Variants in ATP6V0A4 observed in about 807,000 individuals in gnomAD.
The protein encoded by ATP6V0A4 is V-type proton ATPase 116 kDa subunit a 4.
Under a neutral mutation model 107.3 loss-of-function variants are expected in ATP6V0A4, and 86 were observed. That is an observed-to-expected ratio of 0.80 (90% CI 0.67 to 0.96). The LOEUF (loss-of-function observed/expected upper bound fraction) is 0.96. Ranked by LOEUF, ATP6V0A4 falls within the 40% of genes least tolerant of loss-of-function variation. The pLI, the probability that ATP6V0A4 is intolerant of heterozygous loss-of-function variation, is 0.00. For missense variants in ATP6V0A4, 908 were observed against 1,045.6 expected (o/e 0.87, Z 1.81); for synonymous variants, 353 against 381.4 (o/e 0.93, Z 0.87).
At chr7:138,770,025 TG>T in intron 3 of ATP6V0A4, among the ~76,000 whole-genome samples, 1 of 152,216 alleles carries the variant, frequency 6.6e-6, no homozygotes, top group South Asian at 2.1e-4. Flanking sequence ...CACTCCAGCC[TG>T]GGCTACAGAG....
chr7:138,724,189 C>CAAAAAA (rs3080498), intron 18 of ATP6V0A4, among the ~76,000 whole-genome samples: 3 of 92,782 alleles, frequency 3.2e-5, no homozygotes, highest in South Asian at 4.1e-4. Flanking sequence ...GACTCTGCCT[C>CAAAAAA]AAAAAAAAAA....
At chr7:138,736,260 A>G (rs907753891) in intron 15 of ATP6V0A4, among the ~76,000 whole-genome samples, 1 of 152,178 alleles carries the variant, frequency 6.6e-6, no homozygotes, top group Admixed American at 6.6e-5. Context: ...ATAAATAAAT[A>G]AAAAGAAAAT....
chr7:138,768,762 G>C lies in ATP6V0A4; in HGVS notation c.291+18C>G. ...TGACTGTCCTTACCTGGGGAGGCCA[G>C]CAAAGTGGAGAACTTACCTCCAGGG... is the stretch of plus-strand genomic sequence containing the variant. On this transcript the variant is annotated intron_variant, in intron 5 of 21. Coordinates refer to ENST00000310018, the MANE Select transcript of ATP6V0A4 (RefSeq NM_020632.3). 3.1e-6 allele frequency: 5 copies of C among 1,613,784 alleles called. No homozygotes were observed. The highest frequency in any genetic ancestry group is 4.2e-6 in the Non-Finnish European group (5 of 1,179,872).
At position 138,706,703 on chromosome 7, in the gene ATP6V0A4, T is replaced by C; in HGVS notation, c.2444A>G (p.Asn815Ser). 6.2e-7 allele frequency: 1 copy of C among 1,613,556 alleles called. No homozygotes were observed. The highest frequency in any genetic ancestry group is 8.5e-7 in the Non-Finnish European group (1 of 1,179,788). The change falls in exon 22 of 22, where the codon AAC (asparagine) becomes AGC (serine). Residue 815 changes from asparagine to serine, a missense_variant. Transcript: ENST00000310018. The part of the protein sequence containing the change: ...ALRLHWVEFQ[N>S]KFYVGDGYKF... ...GTAACCATCCCCGACATAGAACTTG[T>C]TCTGGAACTCAACCCTGTTGTTGAG... is the stretch of plus-strand genomic sequence containing the variant.
At chr7:138,708,017 T>TTTA (rs1334995468) in intron 21 of ATP6V0A4, among the ~76,000 whole-genome samples, 49 of 140,000 alleles carry the variant, frequency 3.5e-4, no homozygotes, top group African/African-American at 1.2e-3. Flanking sequence ...TTATGTTTTA[T>TTTA]TTTATTTATT....
intron 3 of ATP6V0A4, 107 bp downstream of exon 3, chr7:138,771,024 C>A (rs772681099): frequency 1.4e-5 from 16 of 1,127,270 alleles, no homozygotes; most frequent in Non-Finnish European, 2.0e-5. Flanking sequence ...CAGCTCACGG[C>A]TCCTCTCCCT....
At chr7:138,712,242 G>T (rs1232308628) in intron 20 of ATP6V0A4, among the ~76,000 whole-genome samples, 2 of 151,868 alleles carry the variant, frequency 1.3e-5, no homozygotes, top group South Asian at 2.1e-4. Context: ...GCCCCACTTT[G>T]TTCCTTAAAG....
At position 138,730,685 on chromosome 7, in the gene ATP6V0A4, T is replaced by C. The variant is rs181251614; in HGVS notation, c.1909-1823A>G. Among the ~76,000 whole-genome samples, 19 of 152,270 alleles carry C rather than the reference T, an allele frequency of 1.2e-4. No individual in the cohort carries two copies. The East Asian group carries it at 3.7e-3, about 29-fold the overall frequency. On this transcript the variant is annotated intron_variant, in intron 17 of 21. Coordinates refer to ENST00000310018, the MANE Select transcript of ATP6V0A4 (RefSeq NM_020632.3). ...TTAGCACACGAACTATTTTGGTGAA[T>C]CTGAGTTCTCTGCCTTAAAACAGAA...
At chr7:138,793,728 A>G (rs1227200717) in intron 1 of ATP6V0A4, among the ~76,000 whole-genome samples, 1 of 152,220 alleles carries the variant, frequency 6.6e-6, no homozygotes, top group Non-Finnish European at 1.5e-5. Flanking sequence ...AAACCTCCGT[A>G]TGTTTGGAAA....
intron 19 of ATP6V0A4, among the ~76,000 whole-genome samples, chr7:138,721,534 A>G (rs1274741504): frequency 1.3e-5 from 2 of 152,160 alleles, no homozygotes; most frequent in Non-Finnish European, 2.9e-5. Context: ...ACTCTATCTC[A>G]AAAACAAACA....
At chr7:138,768,748 A>T in intron 5 of ATP6V0A4, 32 bp downstream of exon 5, 3 of 1,612,656 alleles carry the variant, frequency 1.9e-6, no homozygotes, top group East Asian at 4.5e-5. Flanking sequence ...GACTGTCCTT[A>T]CCTGGGGAGG....
At chr7:138,728,440 T>C (rs1804826323) in intron 18 of ATP6V0A4, among the ~76,000 whole-genome samples, 2 of 152,032 alleles carry the variant, frequency 1.3e-5, no homozygotes, top group Non-Finnish European at 2.9e-5. Context: ...TTAGCCAGGC[T>C]GGTCTCAAAC....
chr7:138,779,069 G>C (rs369676675), intron 2 of ATP6V0A4, among the ~76,000 whole-genome samples: 3 of 152,176 alleles, frequency 2.0e-5, no homozygotes, highest in Admixed American at 2.0e-4. Context: ...GGCCAGGAGC[G>C]ATGGCTTGAG....
intron 19 of ATP6V0A4, among the ~76,000 whole-genome samples, chr7:138,716,888 T>C (rs941859501): frequency 1.3e-5 from 2 of 152,122 alleles, no homozygotes; most frequent in Admixed American, 6.6e-5. Flanking sequence ...ACTGGTGCTG[T>C]ACATGCCCTC....
At chr7:138,750,154 C>T (rs889271782) in intron 11 of ATP6V0A4, among the ~76,000 whole-genome samples, 1 of 152,140 alleles carries the variant, frequency 6.6e-6, no homozygotes, top group Non-Finnish European at 1.5e-5. Flanking sequence ...AACAATATGC[C>T]TTAATCCTCC....
Position 138,713,869 on chromosome 7 carries a change from G to A in ATP6V0A4, c.2257+1895C>T, listed in dbSNP as rs1053985394. Among the ~76,000 whole-genome samples, 13 of 151,976 alleles carry A rather than the reference G, an allele frequency of 8.6e-5. 1 individual carries two copies. In the Middle Eastern group the frequency reaches 0.01, roughly 119 times the overall value. On this transcript the variant is annotated intron_variant, in intron 20 of 21. Coordinates refer to ENST00000310018, the MANE Select transcript of ATP6V0A4 (RefSeq NM_020632.3). The stretch of plus-strand genomic sequence containing the variant: ...TAATCCCAGCACTTTGGGAGGCCAA[G>A]GCAGGAGGACTGTTTGAGCCCAGAA...
chr7:138,767,841 C>T (rs941035169), intron 5 of ATP6V0A4, among the ~76,000 whole-genome samples: 5 of 152,178 alleles, frequency 3.3e-5, no homozygotes, highest in Admixed American at 2.6e-4. Context: ...CATCCCTGTC[C>T]CCACCATCTG....
intron 20 of ATP6V0A4, among the ~76,000 whole-genome samples, chr7:138,714,074 C>A (rs1214729618): frequency 4.6e-5 from 6 of 129,502 alleles, no homozygotes; most frequent in African/African-American, 6.0e-5. Context: ...CCTACCTCTA[C>A]CAAAAAAAAA....
chr7:138,712,163 C>T (rs1012831835), intron 20 of ATP6V0A4, among the ~76,000 whole-genome samples: 6 of 152,166 alleles, frequency 3.9e-5, no homozygotes, highest in African/African-American at 1.4e-4. Flanking sequence ...AACTCCTGAC[C>T]TCAGGTAATC....
Sources: allele counts gnomAD v4.1 joint callset (sites outside exome capture counted in the v4.1 genomes callset), GRCh38; gene constraint gnomAD v4.1.1; transcripts MANE v1.5; gene names NCBI Gene and HGNC (gene_info 2026-07-23, HGNC 2026-07-21).